STXBP5: variants seen among roughly 807,000 people sequenced by gnomAD.
The protein encoded by STXBP5 is syntaxin binding protein 5.
A neutral mutation model predicts 152.4 loss-of-function variants in STXBP5; 50 were observed. The ratio of observed to expected loss-of-function variants is 0.33; its 90% CI spans 0.26 to 0.42. STXBP5 has a LOEUF of 0.42. Ranked by LOEUF, STXBP5 falls within the 10% of genes least tolerant of loss-of-function variation. The pLI is 1.00. For synonymous variants in STXBP5, 492 were observed against 494.7 expected (o/e 0.99, Z 0.07); for missense variants, 1,167 against 1,388.6 (o/e 0.84, Z 2.54).
At chr6:147,244,557 G>A (rs1323168595) in intron 4 of STXBP5, among the ~76,000 whole-genome samples, 7 of 152,074 alleles carry the variant, frequency 4.6e-5, no homozygotes, top group Admixed American at 4.6e-4. Context: ...TTAATGAATG[G>A]TGTCTTATAA....
chr6:147,257,869 G>A (rs1779449825), intron 4 of STXBP5, among the ~76,000 whole-genome samples: 1 of 152,176 alleles, frequency 6.6e-6, no homozygotes, highest in Non-Finnish European at 1.5e-5. Context: ...TGTTGGGTCG[G>A]CAACCTGGGT....
chr6:147,370,198 T>C (rs552287821), intron 25 of STXBP5, among the ~76,000 whole-genome samples: 13 of 152,004 alleles, frequency 8.6e-5, no homozygotes, highest in Non-Finnish European at 1.8e-4. Flanking sequence ...ATACAAATTA[T>C]AGTGAAAGAG....
chr6:147,285,304 T>G (rs927316535), intron 8 of STXBP5, among the ~76,000 whole-genome samples: 2 of 152,198 alleles, frequency 1.3e-5, no homozygotes, highest in Non-Finnish European at 2.9e-5. Flanking sequence ...ATCCCCTAAA[T>G]GTCTTTCCAT....
chr6:147,245,011 T>TTTTA (rs1491321309), intron 4 of STXBP5, among the ~76,000 whole-genome samples: 28 of 143,378 alleles, frequency 2.0e-4, no homozygotes, highest in African/African-American at 7.3e-4. Flanking sequence ...TTTTTTTTTT[T>TTTTA]AGAGGGAATC....
At chr6:147,287,194 A>ATTTTTTT (rs11370591) in intron 8 of STXBP5, among the ~76,000 whole-genome samples, 3 of 75,258 alleles carry the variant, frequency 4.0e-5, no homozygotes, top group Admixed American at 2.0e-4. Flanking sequence ...TTAATTGTAC[A>ATTTTTTT]TTTTTTTTTT....
At chr6:147,234,933 T>C (rs1046480603) in intron 2 of STXBP5, among the ~76,000 whole-genome samples, 7 of 152,072 alleles carry the variant, frequency 4.6e-5, no homozygotes, top group African/African-American at 1.7e-4. Flanking sequence ...GTCTTCTTTT[T>C]GTTATTTTAA....
chr6:147,222,853 G>T (rs1777526867), intron 2 of STXBP5, among the ~76,000 whole-genome samples: 1 of 152,218 alleles, frequency 6.6e-6, no homozygotes, highest in South Asian at 2.1e-4. Context: ...TGGAGTTTTT[G>T]ACTTTCTGAC....
At chr6:147,205,362 A>G (rs187738476) in intron 1 of STXBP5, among the ~76,000 whole-genome samples, 173 of 125,404 alleles carry the variant, frequency 1.4e-3, no homozygotes, top group African/African-American at 5.4e-3. Context: ...AGAGTTAATT[A>G]AAAGTGTGCA....
intron 6 of STXBP5, among the ~76,000 whole-genome samples, chr6:147,263,728 T>G (rs1383590261): frequency 2.6e-5 from 4 of 151,974 alleles, no homozygotes; most frequent in Admixed American, 6.6e-5. Flanking sequence ...TCTCTTTCCA[T>G]CTCTCTGCTG....
chr6:147,282,425 T>C (rs1275770222), intron 8 of STXBP5, among the ~76,000 whole-genome samples: 1 of 152,218 alleles, frequency 6.6e-6, no homozygotes, highest in Non-Finnish European at 1.5e-5. Context: ...GTAAGTGCTA[T>C]GTGTGAAATA....
chr6:147,360,164 T>C (rs1305321477), intron 23 of STXBP5, among the ~76,000 whole-genome samples: 3 of 152,042 alleles, frequency 2.0e-5, no homozygotes, highest in Admixed American at 6.5e-5. Context: ...CTGGAGAGGA[T>C]GTGGAGAAAT....
At chr6:147,233,028 C>T (rs769332937) in intron 2 of STXBP5, among the ~76,000 whole-genome samples, 1 of 151,770 alleles carries the variant, frequency 6.6e-6, no homozygotes, top group Non-Finnish European at 1.5e-5. Flanking sequence ...TTATTCTTTA[C>T]TTACCAAGAA....
At chr6:147,365,607 G>A (rs1785256611) in intron 25 of STXBP5, among the ~76,000 whole-genome samples, 1 of 152,118 alleles carries the variant, frequency 6.6e-6, no homozygotes, top group Admixed American at 6.5e-5. Context: ...TATCTGCTAT[G>A]TGCCTTCATC....
chr6:147,317,774 G>A (rs1013494410), intron 16 of STXBP5, among the ~76,000 whole-genome samples: 5 of 151,922 alleles, frequency 3.3e-5, no homozygotes, highest in East Asian at 1.9e-4. Flanking sequence ...ATGAGACTTG[G>A]GAATACAGAA....
At chr6:147,355,769 T>TAG (rs552988851) in intron 22 of STXBP5, among the ~76,000 whole-genome samples, 2,880 of 152,276 alleles carry the variant, frequency 0.019, 76 homozygotes, top group African/African-American at 0.065. Context: ...AAAGTATTAG[T>TAG]GCCTGGCACA....
intron 7 of STXBP5, among the ~76,000 whole-genome samples, chr6:147,272,666 A>G (rs758062636): frequency 6.6e-6 from 1 of 152,156 alleles, no homozygotes; most frequent in Non-Finnish European, 1.5e-5. Context: ...TCAGTGGTAT[A>G]TTACTGTATT....
intron 21 of STXBP5, among the ~76,000 whole-genome samples, chr6:147,350,744 C>T (rs1341353027): frequency 5.3e-5 from 8 of 152,048 alleles, no homozygotes; most frequent in Admixed American, 5.2e-4. Context: ...CATTTTATGA[C>T]AAGTTTATAT....
At chr6:147,289,893 A>G (rs1008758997) in intron 8 of STXBP5, among the ~76,000 whole-genome samples, 1 of 152,174 alleles carries the variant, frequency 6.6e-6, no homozygotes. Context: ...ACAGAAAACA[A>G]ATACACTAAA....
intron 6 of STXBP5, among the ~76,000 whole-genome samples, chr6:147,265,906 G>A (rs892484247): frequency 6.6e-6 from 1 of 150,886 alleles, no homozygotes; most frequent in Non-Finnish European, 1.5e-5. Flanking sequence ...GTGATCCTTC[G>A]AATTAAAAAA....
Sources: allele counts gnomAD v4.1 joint callset (sites outside exome capture counted in the v4.1 genomes callset), GRCh38; gene constraint gnomAD v4.1.1; transcripts MANE v1.5; gene names NCBI Gene and HGNC (gene_info 2026-07-23, HGNC 2026-07-21).